TTC27: variants seen among roughly 807,000 people sequenced by gnomAD.
The protein encoded by TTC27 is tetratricopeptide repeat domain 27, also known as tetratricopeptide repeat protein 27.
TTC27 carries 79 observed loss-of-function variants against 115.9 expected under a neutral mutation model. That is an observed-to-expected ratio of 0.68 (90% CI 0.57 to 0.82). The LOEUF is 0.82. Ranked by LOEUF, TTC27 falls within the 40% of genes least tolerant of loss-of-function variation. The pLI is 0.00. For missense variants in TTC27, 1,054 were observed against 993.1 expected, an observed-to-expected ratio of 1.06 and a Z score of -0.82; for synonymous variants, 401 against 356.0, an observed-to-expected ratio of 1.13 and a Z score of -1.42.
chr2:32,763,063 A>C (rs1485918199), intron 13 of TTC27, among the ~76,000 whole-genome samples: 2 of 152,260 alleles, frequency 1.3e-5, no homozygotes, highest in African/African-American at 4.8e-5. Context: ...TATATAATTT[A>C]GAATTAATTA....
chr2:32,718,490 A>G (rs1010703349), intron 10 of TTC27, among the ~76,000 whole-genome samples: 1 of 152,138 alleles, frequency 6.6e-6, no homozygotes, highest in Admixed American at 6.5e-5. Context: ...ACAGTATCTC[A>G]TTTAAATTTA....
intron 16 of TTC27, among the ~76,000 whole-genome samples, chr2:32,799,692 T>G (rs139398410): frequency 7.0e-4 from 106 of 152,300 alleles, no homozygotes; most frequent in African/African-American, 2.3e-3. Flanking sequence ...AATAATATCC[T>G]TATTATATAA....
At chr2:32,765,289 T>G (rs1477852875) in intron 13 of TTC27, among the ~76,000 whole-genome samples, 1 of 152,164 alleles carries the variant, frequency 6.6e-6, no homozygotes, top group African/African-American at 2.4e-5. Context: ...AATCTCCTTG[T>G]ACATCTTCAT....
chr2:32,794,951 C>G (rs986792055), intron 16 of TTC27, among the ~76,000 whole-genome samples: 3 of 151,998 alleles, frequency 2.0e-5, no homozygotes, highest in Non-Finnish European at 4.4e-5. Context: ...AATCAAAAAT[C>G]TCCCAACAAA....
chr2:32,793,402 G>C (rs933251056), intron 16 of TTC27, among the ~76,000 whole-genome samples: 1 of 152,102 alleles, frequency 6.6e-6, no homozygotes, highest in Non-Finnish European at 1.5e-5. Context: ...TGCTCAAGGG[G>C]GTCCTGCAGG....
chr2:32,674,095 A>G (rs1666108250), intron 8 of TTC27, among the ~76,000 whole-genome samples: 1 of 152,190 alleles, frequency 6.6e-6, no homozygotes. Flanking sequence ...TATAATATTG[A>G]TACCAGTTAA....
intron 5 of TTC27, among the ~76,000 whole-genome samples, chr2:32,653,461 G>A (rs1225895069): frequency 2.6e-5 from 4 of 152,058 alleles, no homozygotes; most frequent in Non-Finnish European, 1.5e-5. Flanking sequence ...GGACATTGTG[G>A]TGTGTGCCTG....
chr2:32,699,675 G>A (rs576841270), intron 9 of TTC27, among the ~76,000 whole-genome samples: 1 of 152,206 alleles, frequency 6.6e-6, no homozygotes, highest in African/African-American at 2.4e-5. Flanking sequence ...ATTGAATATA[G>A]CCTATGTGCA....
intron 9 of TTC27, among the ~76,000 whole-genome samples, chr2:32,697,273 T>G (rs1314565703): frequency 2.0e-5 from 3 of 152,070 alleles, no homozygotes; most frequent in Non-Finnish European, 4.4e-5. Context: ...TATATTTAGG[T>G]CCATGTATTC....
chr2:32,801,868 T>C (rs1353884718), intron 16 of TTC27, among the ~76,000 whole-genome samples: 1 of 152,156 alleles, frequency 6.6e-6, no homozygotes, highest in Non-Finnish European at 1.5e-5. Context: ...GGAAGGGAGT[T>C]GATGGAAAAC....
At chr2:32,715,221 C>G in intron 10 of TTC27, among the ~76,000 whole-genome samples, 1 of 152,148 alleles carries the variant, frequency 6.6e-6, no homozygotes, top group Non-Finnish European at 1.5e-5. Context: ...ACATTTAAGT[C>G]TTTAATCCAT....
At chr2:32,769,525 C>T (rs1016851064) in intron 13 of TTC27, among the ~76,000 whole-genome samples, 2 of 152,084 alleles carry the variant, frequency 1.3e-5, no homozygotes, top group Non-Finnish European at 2.9e-5. Flanking sequence ...TTTCAAGATA[C>T]TGGAGACCTT....
intron 10 of TTC27, among the ~76,000 whole-genome samples, chr2:32,728,757 G>GA (rs1487816904): frequency 1.3e-5 from 2 of 152,120 alleles, no homozygotes; most frequent in African/African-American, 2.4e-5. Flanking sequence ...AGGAAAGACT[G>GA]GGTTCACAAT....
chr2:32,750,027 C>T (rs55776555), intron 12 of TTC27, among the ~76,000 whole-genome samples: 1 of 152,096 alleles, frequency 6.6e-6, no homozygotes, highest in Non-Finnish European at 1.5e-5. Flanking sequence ...GTGAGAAGAG[C>T]TGGGGAAATG....
intron 5 of TTC27, among the ~76,000 whole-genome samples, 165 bp from the exon 6 acceptor site, chr2:32,664,138 G>A (rs1665670961): frequency 6.6e-6 from 1 of 152,104 alleles, no homozygotes; most frequent in African/African-American, 2.4e-5. Flanking sequence ...AGATAATGCT[G>A]GCTGGTAACT....
chr2:32,807,134 G>C (rs1218477594), intron 16 of TTC27, among the ~76,000 whole-genome samples: 1 of 152,086 alleles, frequency 6.6e-6, no homozygotes, highest in African/African-American at 2.4e-5. Context: ...TTAAAGGCAA[G>C]TCTAATAAAT....
At chr2:32,639,519 T>C (rs1664558135) in intron 3 of TTC27, among the ~76,000 whole-genome samples, 1 of 152,244 alleles carries the variant, frequency 6.6e-6, no homozygotes, top group Non-Finnish European at 1.5e-5. Flanking sequence ...ACTTACTTCA[T>C]AATGACATTT....
At chr2:32,693,343 T>A (rs1465029921) in intron 9 of TTC27, among the ~76,000 whole-genome samples, 2 of 152,202 alleles carry the variant, frequency 1.3e-5, no homozygotes, top group Non-Finnish European at 2.9e-5. Context: ...AGCATCAGCG[T>A]CACCTGGGAG....
At chr2:32,773,205 T>A (rs1022578255) in intron 13 of TTC27, among the ~76,000 whole-genome samples, 4 of 152,266 alleles carry the variant, frequency 2.6e-5, no homozygotes, top group African/African-American at 9.6e-5. Context: ...CTTTGAAAGG[T>A]TATTGGCTGC....
Sources: allele counts gnomAD v4.1 joint callset (sites outside exome capture counted in the v4.1 genomes callset), GRCh38; gene constraint gnomAD v4.1.1; transcripts MANE v1.5; gene names NCBI Gene and HGNC (gene_info 2026-07-23, HGNC 2026-07-21).